Variants in ACOT13 observed in about 807,000 individuals in gnomAD.
ACOT13 encodes the protein acyl-coenzyme A thioesterase 13.
A neutral mutation model predicts 11.8 loss-of-function variants in ACOT13; 10 were observed. The ratio of observed to expected loss-of-function variants is 0.85; its 90% CI spans 0.53 to 1.44. The LOEUF is 1.44. ACOT13 is among the 40% of genes most tolerant of loss of function. The probability of loss-of-function intolerance (pLI) is 0.00; values close to 1 mark genes in which losing one functional copy is unlikely to be tolerated. For synonymous variants in ACOT13, 53 were observed against 61.0 expected (o/e 0.87, Z 0.61); for missense variants, 172 against 174.1 (o/e 0.99, Z 0.07).
At chr6:24,674,318 A>G (rs2127621860) in intron 1 of ACOT13, among the ~76,000 whole-genome samples, 2 of 152,262 alleles carry the variant, frequency 1.3e-5, no homozygotes, top group East Asian at 3.9e-4. Context: ...GGCCTCCCAA[A>G]GTGCTGGGAT....
At chr6:24,671,966 T>C (rs1458429681) in intron 1 of ACOT13, among the ~76,000 whole-genome samples, 4 of 152,244 alleles carry the variant, frequency 2.6e-5, no homozygotes, top group African/African-American at 7.2e-5. Flanking sequence ...TGTTGCATAT[T>C]TGACAATGCT....
At chr6:24,669,540 G>A (rs1778324055) in intron 1 of ACOT13, among the ~76,000 whole-genome samples, 1 of 151,994 alleles carries the variant, frequency 6.6e-6, no homozygotes, top group Admixed American at 6.6e-5. Context: ...CTTTACATTT[G>A]CCCCCTTTTC....
intron 1 of ACOT13, among the ~76,000 whole-genome samples, chr6:24,694,537 T>C (rs1398204903): frequency 1.3e-5 from 2 of 152,194 alleles, no homozygotes; most frequent in African/African-American, 2.4e-5. Flanking sequence ...TATGTTGATA[T>C]AACTGAATAA....
At chr6:24,689,768 A>T (rs1377048670) in intron 1 of ACOT13, among the ~76,000 whole-genome samples, 2 of 152,214 alleles carry the variant, frequency 1.3e-5, no homozygotes, top group African/African-American at 4.8e-5. Flanking sequence ...AGTAAGTTAG[A>T]TGGCGCAGAG....
At chr6:24,684,592 C>T (rs2127624735) in intron 1 of ACOT13, among the ~76,000 whole-genome samples, 1 of 139,250 alleles carries the variant, frequency 7.2e-6, no homozygotes, top group East Asian at 2.1e-4. Flanking sequence ...TTAGTGCTAA[C>T]TGGTGGAAAT....
At position 24,690,812 on chromosome 6, in the gene ACOT13, C is replaced by T. The variant is rs192034772; in HGVS notation, c.82-7071C>T. Reference sequence around the variant, plus strand: ...CACTCCCTGAGGATTAGGGCAACATCGTACTCACCTTTGGATCCTCTACCC... The same window carrying T: ...CACTCCCTGAGGATTAGGGCAACATTGTACTCACCTTTGGATCCTCTACCC... On this transcript the variant is annotated intron_variant, in intron 1 of 2. Coordinates refer to ENST00000230048, the MANE Select transcript of ACOT13 (RefSeq NM_018473.4). 4.6e-5 allele frequency among the ~76,000 whole-genome samples: 7 copies of T among 152,300 alleles called. No individual in the cohort carries two copies. In the East Asian group the frequency reaches 1.4e-3, roughly 29 times the overall value.
At position 24,701,829 on chromosome 6, in the gene ACOT13, A is replaced by G. The variant is rs1778897745; in HGVS notation, c.*214A>G. ...TCTAATCATGTGTGATAATTGGGTG[A>G]AAAATTCTTAGCTCAAAGTGTTTTA... On this transcript the variant is annotated 3_prime_UTR_variant, in exon 3 of 3. Coordinates refer to ENST00000230048, the MANE Select transcript of ACOT13 (RefSeq NM_018473.4). 4 of 447,582 alleles carry G rather than the reference A, an allele frequency of 8.9e-6. No individual in the cohort carries two copies. The East Asian group carries it at 1.4e-4, about 16-fold the overall frequency. 27.7% of individuals were successfully genotyped at this position (447,582 alleles called of 1,614,324 possible).
At chr6:24,683,014 C>G (rs139151230) in intron 1 of ACOT13, among the ~76,000 whole-genome samples, 290 of 152,238 alleles carry the variant, frequency 1.9e-3, no homozygotes, top group African/African-American at 6.3e-3. Context: ...TTGCAAGCCC[C>G]GTGTTTAAAG....
chr6:24,672,150 C>T (rs115179455), intron 1 of ACOT13, among the ~76,000 whole-genome samples: 3,623 of 152,206 alleles, frequency 0.024, 134 homozygotes, highest in African/African-American at 0.078. Flanking sequence ...AATAGGATCA[C>T]AGGTCATTAT....
intron 2 of ACOT13, among the ~76,000 whole-genome samples, chr6:24,700,384 G>A (rs1581388293): frequency 1.4e-5 from 2 of 144,396 alleles, no homozygotes; most frequent in Non-Finnish European, 3.0e-5. Flanking sequence ...TGAGGTATGT[G>A]AATTAAAGAC....
intron 1 of ACOT13, among the ~76,000 whole-genome samples, chr6:24,680,612 C>T (rs1778531512): frequency 6.6e-6 from 1 of 152,248 alleles, no homozygotes; most frequent in African/African-American, 2.4e-5. Flanking sequence ...CCTCTCTTGA[C>T]CACAAAGAAA....
intron 1 of ACOT13, among the ~76,000 whole-genome samples, chr6:24,669,871 T>G (rs1029751742): frequency 2.6e-5 from 4 of 152,214 alleles, no homozygotes; most frequent in African/African-American, 9.7e-5. Context: ...GTTATTTTCT[T>G]CTGAAGTTTA....
At position 24,704,235 on chromosome 6, in the gene ACOT13, G is replaced by C. The variant is rs2127630791; in HGVS notation, c.*2620G>C. ...AATAGCTCACAGGTATAAGTGTACA[G>C]AGAAAATGAAAAAAATGTGGCAAAA... On this transcript the variant is annotated 3_prime_UTR_variant, in exon 3 of 3. Coordinates refer to ENST00000230048, the MANE Select transcript of ACOT13 (RefSeq NM_018473.4). 6.7e-6 allele frequency: 1 copy of C among 149,326 alleles called. No individual in the cohort carries two copies. The highest frequency in any genetic ancestry group is 7.0e-5 in the Admixed American group (1 of 14,278). 9.3% of individuals were successfully genotyped at this position (149,326 alleles called of 1,614,324 possible).
chr6:24,669,981 ATAT>A (rs983709479), intron 1 of ACOT13, among the ~76,000 whole-genome samples: 2 of 152,206 alleles, frequency 1.3e-5, no homozygotes, highest in African/African-American at 4.8e-5. Context: ...AAAATTAAAA[ATAT>A]TATTTTGGAG....
At chr6:24,672,840 A>T (rs184667621) in intron 1 of ACOT13, among the ~76,000 whole-genome samples, 5 of 152,310 alleles carry the variant, frequency 3.3e-5, no homozygotes, top group African/African-American at 1.2e-4. Flanking sequence ...TGGACCTTAC[A>T]GTCTTACCTG....
Position 24,701,672 on chromosome 6 carries a change from C to A in ACOT13, c.*57C>A. 6.8e-7 allele frequency: 1 copy of A among 1,469,228 alleles called. No homozygotes were observed. Among genetic ancestry groups the A allele is most frequent in the Non-Finnish European group, 9.1e-7 (1 of 1,096,968 alleles). The allele number at this position is 1,469,228 out of a possible 1,614,324, so 91.0% of individuals were successfully genotyped here. ...CAATGAATATCAAGTATAGATTTGA[C>A]TCAAACAATTGTAATTTTTGAAATA... On this transcript the variant is annotated 3_prime_UTR_variant, in exon 3 of 3. Transcript: ENST00000230048.
intron 1 of ACOT13, among the ~76,000 whole-genome samples, chr6:24,693,911 ACAGG>A (rs1449992417): frequency 2.0e-5 from 3 of 152,080 alleles, no homozygotes; most frequent in Non-Finnish European, 4.4e-5. Flanking sequence ...TTTAGTAGAT[ACAGG>A]GTTTCACCAT....
At chr6:24,669,452 G>C (rs1246736253) in intron 1 of ACOT13, among the ~76,000 whole-genome samples, 1 of 152,132 alleles carries the variant, frequency 6.6e-6, no homozygotes, top group Non-Finnish European at 1.5e-5. Context: ...GAATAGAATG[G>C]GAGGCAAGTT....
chr6:24,672,417 G>A (rs773789659), intron 1 of ACOT13, among the ~76,000 whole-genome samples: 2 of 152,224 alleles, frequency 1.3e-5, no homozygotes, highest in Non-Finnish European at 2.9e-5. Context: ...GAGGTGGGCA[G>A]ATCAGGAGGT....
Sources: gnomAD v4.1 joint callset for allele counts (sites outside exome capture counted in the v4.1 genomes callset) on GRCh38, gnomAD v4.1.1 for gene constraint, MANE v1.5 for transcripts, NCBI Gene and HGNC (gene_info 2026-07-23, HGNC 2026-07-21) for gene names.